The following LRBA variants were observed in gnomAD, a reference collection of about 807,000 sequenced individuals.
LRBA encodes LPS responsive beige-like anchor protein, also known as lipopolysaccharide-responsive and beige-like anchor protein.
LRBA carries 176 observed loss-of-function variants against 330.0 expected under a neutral mutation model. The ratio of observed to expected loss-of-function variants is 0.53; its 90% CI spans 0.47 to 0.60. The LOEUF (loss-of-function observed/expected upper bound fraction) is 0.60. Ranked by LOEUF, LRBA falls within the 20% of genes least tolerant of loss-of-function variation. The pLI, the probability that LRBA is intolerant of heterozygous loss-of-function variation, is 0.00. For synonymous variants in LRBA, 1,230 were observed against 1,193.0 expected, an observed-to-expected ratio of 1.03 and a Z score of -0.64; for missense variants, 3,259 against 3,444.8, an observed-to-expected ratio of 0.95 and a Z score of 1.35.
At chr4:150,465,898 C>A (rs1032714861) in intron 44 of LRBA, among the ~76,000 whole-genome samples, 4 of 151,900 alleles carry the variant, frequency 2.6e-5, no homozygotes, top group Admixed American at 2.0e-4. Flanking sequence ...TCTTTGTATT[C>A]AATGATTTTG....
At chr4:150,738,699 T>C (rs1174259141) in intron 35 of LRBA, among the ~76,000 whole-genome samples, 2 of 152,188 alleles carry the variant, frequency 1.3e-5, no homozygotes, top group Admixed American at 6.5e-5. Context: ...TCTTGTGTCA[T>C]ACATCAATTG....
At chr4:150,329,348 T>C (rs911804621) in intron 48 of LRBA, among the ~76,000 whole-genome samples, 1 of 152,210 alleles carries the variant, frequency 6.6e-6, no homozygotes, top group African/African-American at 2.4e-5. Context: ...ATAGTCACAC[T>C]GTATATCATC....
intron 2 of LRBA, among the ~76,000 whole-genome samples, chr4:150,998,374 G>A (rs893764814): frequency 6.6e-6 from 1 of 151,188 alleles, no homozygotes; most frequent in Admixed American, 6.6e-5. Context: ...AAAAAAGAGA[G>A]ATAGGGTCTC....
At chr4:150,724,407 G>C (rs1170293077) in intron 36 of LRBA, among the ~76,000 whole-genome samples, 1 of 152,096 alleles carries the variant, frequency 6.6e-6, no homozygotes, top group Non-Finnish European at 1.5e-5. Context: ...GCCTTATTGG[G>C]GTTGGGGTCC....
intron 37 of LRBA, among the ~76,000 whole-genome samples, chr4:150,625,237 C>A (rs1475527510): frequency 6.6e-6 from 1 of 152,238 alleles, no homozygotes; most frequent in Middle Eastern, 3.4e-3. Context: ...TGATCCCCCA[C>A]AATCACCTTT....
intron 40 of LRBA, among the ~76,000 whole-genome samples, chr4:150,539,714 G>T (rs757149620): frequency 7.9e-5 from 12 of 152,222 alleles, no homozygotes; most frequent in Non-Finnish European, 1.3e-4. Flanking sequence ...TAATTGACCT[G>T]AACACTACTC....
rs558330220 is a variant in LRBA, at chr4:150,272,969, G to A, written c.8468+4884C>T. On this transcript the variant is annotated intron_variant, in intron 56 of 56. Coordinates refer to ENST00000651943, the MANE Select transcript of LRBA (RefSeq NM_001364905.1). ...CAGGAAATACAGAGAACACCACAAA[G>A]ATACTTCTCAAGAAGAGCAACTCCA... 6.0e-5 allele frequency among the ~76,000 whole-genome samples: 9 copies of A among 150,450 alleles called. No homozygotes were observed. The East Asian group carries it at 1.7e-3, about 29-fold the overall frequency.
rs1771682285 is a variant in LRBA, at chr4:150,583,543, C to A, written c.6330+4505G>T. ...GGAGCGCTATGTGGTGCAAATCACT[C>A]CGGCGTTCAAGTGCACCGGGATCTG... On this transcript the variant is annotated intron_variant, in intron 40 of 56. Coordinates refer to ENST00000651943, the MANE Select transcript of LRBA (RefSeq NM_001364905.1). This position sits in a 1 kb window ranked among gnomAD's most constrained non-coding sequence, Gnocchi z 9.8. 1 of 1,613,706 alleles carries A rather than the reference C, an allele frequency of 6.2e-7. No individual in the cohort carries two copies. The highest frequency in any genetic ancestry group is 1.3e-5 in the African/African-American group (1 of 74,942).
intron 30 of LRBA, among the ~76,000 whole-genome samples, chr4:150,824,562 C>T (rs1028585626): frequency 1.1e-4 from 16 of 152,054 alleles, no homozygotes; most frequent in African/African-American, 3.6e-4. Flanking sequence ...TTCTTTATGG[C>T]TTTTTATTGT....
At chr4:150,835,231 G>C (rs1438875526) in intron 28 of LRBA, among the ~76,000 whole-genome samples, 1 of 152,136 alleles carries the variant, frequency 6.6e-6, no homozygotes, top group Non-Finnish European at 1.5e-5. Flanking sequence ...CTTGAAGTCA[G>C]GTAGTGTGAT....
chr4:150,600,348 C>T (rs1474535826), intron 37 of LRBA, among the ~76,000 whole-genome samples: 1 of 152,124 alleles, frequency 6.6e-6, no homozygotes, highest in Non-Finnish European at 1.5e-5. Context: ...CAACAACTGA[C>T]AGTCCCAAAC....
At position 150,549,577 on chromosome 4, in the gene LRBA, C is replaced by T. The variant is rs752967840; in HGVS notation, c.6330+38471G>A. 3.5e-4 allele frequency among the ~76,000 whole-genome samples: 54 copies of T among 152,254 alleles called. No homozygotes were observed. The Middle Eastern group carries it at 0.01, about 29-fold the overall frequency. ...CGAACTCCTGACCTCATGATCTGCC[C>T]GCCTCGGCCTCCCAAAATGCTGGGA... On this transcript the variant is annotated intron_variant, in intron 40 of 56. Transcript: ENST00000651943.
At chr4:150,508,732 TGA>T (rs778201151) in intron 40 of LRBA, among the ~76,000 whole-genome samples, 15 of 152,096 alleles carry the variant, frequency 9.9e-5, no homozygotes, top group Non-Finnish European at 1.5e-4. Context: ...AAGCAAAAAC[TGA>T]GAGAACTGAA....
chr4:150,789,644 C>T (rs1366659335), intron 34 of LRBA, among the ~76,000 whole-genome samples: 1 of 152,076 alleles, frequency 6.6e-6, no homozygotes, highest in Non-Finnish European at 1.5e-5. Flanking sequence ...TACTATTCAT[C>T]AAAAACTATA....
intron 2 of LRBA, among the ~76,000 whole-genome samples, chr4:150,945,216 T>C (rs1016839667): frequency 6.6e-5 from 10 of 152,336 alleles, no homozygotes; most frequent in South Asian, 2.1e-4. Context: ...CGAGTACCTA[T>C]ATAAATATCT....
intron 33 of LRBA, among the ~76,000 whole-genome samples, chr4:150,800,653 T>TTA (rs1741479495): frequency 6.6e-6 from 1 of 152,148 alleles, no homozygotes; most frequent in African/African-American, 2.4e-5. Context: ...CATTTTCATT[T>TTA]TATACACCCA....
At chr4:150,731,966 TA>T (rs1203442817) in intron 36 of LRBA, among the ~76,000 whole-genome samples, 4 of 152,098 alleles carry the variant, frequency 2.6e-5, no homozygotes, top group Non-Finnish European at 5.9e-5. Context: ...CATAAATATA[TA>T]TACCTACTAT....
intron 48 of LRBA, among the ~76,000 whole-genome samples, chr4:150,341,161 C>G (rs1735488500): frequency 1.3e-5 from 2 of 151,960 alleles, no homozygotes; most frequent in Admixed American, 1.3e-4. Flanking sequence ...AGAGATCTCA[C>G]CAGCCTAGCT....
At chr4:150,798,007 A>C in intron 34 of LRBA, 74 bp downstream of exon 34, 1 of 982,674 alleles carries the variant, frequency 1.0e-6, no homozygotes, top group Non-Finnish European at 1.6e-6. Context: ...CAGTAATGCA[A>C]ATATAAAATC....
Sources: gnomAD v4.1 joint callset for allele counts (sites outside exome capture counted in the v4.1 genomes callset) on GRCh38, gnomAD v4.1.1 for gene constraint, Gnocchi (gnomAD v3.1) non-coding constraint, MANE v1.5 for transcripts, NCBI Gene and HGNC (gene_info 2026-07-23, HGNC 2026-07-21) for gene names.